The following NR6A1 variants were observed in gnomAD, a reference collection of about 807,000 sequenced individuals.
NR6A1 encodes nuclear receptor subfamily 6 group A member 1, also known as retinoic acid receptor-related testis-associated receptor.
Under a neutral mutation model 59.1 loss-of-function variants are expected in NR6A1, and 7 were observed. The observed-to-expected ratio is 0.12, with a 90% confidence interval of 0.07 to 0.22. The LOEUF is 0.22. NR6A1 is among the 10% of genes least tolerant of loss of function. NR6A1 has a pLI of 1.00. For missense variants in NR6A1, 468 were observed against 611.6 expected, an observed-to-expected ratio of 0.77 and a Z score of 2.48; for synonymous variants, 243 against 236.1, an observed-to-expected ratio of 1.03 and a Z score of -0.27.
At chr9:124,553,713 C>T (rs959937793) in intron 3 of NR6A1, among the ~76,000 whole-genome samples, 9 of 151,856 alleles carry the variant, frequency 5.9e-5, no homozygotes, top group Admixed American at 2.6e-4. Flanking sequence ...TTATTTCCCC[C>T]GTTCCTTCAG....
intron 1 of NR6A1, among the ~76,000 whole-genome samples, chr9:124,756,273 A>C (rs769045569): frequency 6.6e-6 from 1 of 152,202 alleles, no homozygotes; most frequent in Non-Finnish European, 1.5e-5. Context: ...GGAGGTTTGT[A>C]CCCGCTATAG....
intron 2 of NR6A1, chr9:124,599,600 C>T: frequency 8.6e-7 from 1 of 1,166,924 alleles, no homozygotes; most frequent in African/African-American, 1.7e-5. Flanking sequence ...GCGGCGGCGG[C>T]CGCTCGGCTG....
At chr9:124,576,325 G>A (rs1473434853) in intron 2 of NR6A1, among the ~76,000 whole-genome samples, 1 of 152,036 alleles carries the variant, frequency 6.6e-6, no homozygotes. Flanking sequence ...GTTTCACTCT[G>A]TCACCAGGCT....
At chr9:124,581,625 T>A (rs1834771365) in intron 2 of NR6A1, among the ~76,000 whole-genome samples, 1 of 151,920 alleles carries the variant, frequency 6.6e-6, no homozygotes, top group African/African-American at 2.4e-5. Context: ...GAAACTATCA[T>A]CAGAGTAAAC....
intron 2 of NR6A1, among the ~76,000 whole-genome samples, chr9:124,663,874 G>A (rs1283729924): frequency 6.6e-6 from 1 of 151,960 alleles, no homozygotes; most frequent in Non-Finnish European, 1.5e-5. Context: ...ATAATGTAAG[G>A]TATAATTTAA....
At chr9:124,721,569 T>C (rs1839566103) in intron 2 of NR6A1, among the ~76,000 whole-genome samples, 1 of 152,174 alleles carries the variant, frequency 6.6e-6, no homozygotes, top group South Asian at 2.1e-4. Context: ...TGAACTATCT[T>C]AAGTTGCTTC....
chr9:124,681,304 G>C (rs10113978), intron 2 of NR6A1, among the ~76,000 whole-genome samples: 9,515 of 148,742 alleles, frequency 0.064, 918 homozygotes, highest in African/African-American at 0.2. Context: ...AGGAAAACAA[G>C]TGACAGTATT....
At chr9:124,665,161 G>A (rs188833723) in intron 2 of NR6A1, among the ~76,000 whole-genome samples, 2 of 151,008 alleles carry the variant, frequency 1.3e-5, no homozygotes, top group East Asian at 3.9e-4. Flanking sequence ...ACTACAGCCA[G>A]GGTGACAACA....
chr9:124,652,694 C>G (rs1255717992), intron 2 of NR6A1, among the ~76,000 whole-genome samples: 1 of 152,306 alleles, frequency 6.6e-6, no homozygotes, highest in East Asian at 1.9e-4. Context: ...TACAGCCCTT[C>G]CCATATCTGA....
rs1833873471 is a variant in NR6A1, at chr9:124,554,491, G to A, written c.222C>T (p.Ile74=). ...ACCCTTTGCAGCCCTCACAGGAGAT[G>A]ATCCCATAGTGCAAGCCTGTAGCGC... ...GDRATGLHYG[I]ISCEGCKGFF... is the part of the protein sequence containing the mutation. Residue 74 remains isoleucine (I), a synonymous_variant, in exon 3 of 10, where the codon ATC becomes ATT. Transcript: ENST00000487099. 6.2e-7 allele frequency: 1 copy of A among 1,614,052 alleles called. No homozygotes were observed. Among genetic ancestry groups the A allele is most frequent in the Admixed American group, 1.7e-5 (1 of 60,010 alleles).
At chr9:124,703,655 T>C (rs1273531515) in intron 2 of NR6A1, among the ~76,000 whole-genome samples, 2 of 152,242 alleles carry the variant, frequency 1.3e-5, no homozygotes, top group Non-Finnish European at 2.9e-5. Context: ...TGCTAATGTT[T>C]TGTTAAAAGA....
intron 2 of NR6A1, among the ~76,000 whole-genome samples, chr9:124,699,733 C>A (rs1052037599): frequency 2.0e-5 from 3 of 152,212 alleles, no homozygotes; most frequent in Non-Finnish European, 4.4e-5. Context: ...TCACCAAAAT[C>A]TAATTTCGAA....
intron 2 of NR6A1, among the ~76,000 whole-genome samples, chr9:124,633,628 C>T (rs1836511623): frequency 6.6e-6 from 1 of 152,168 alleles, no homozygotes; most frequent in Non-Finnish European, 1.5e-5. Context: ...CATTCTAGGT[C>T]CTCAATGACA....
intron 5 of NR6A1, 109 bp downstream of exon 5, chr9:124,539,924 T>G: frequency 7.7e-7 from 1 of 1,294,016 alleles, no homozygotes; most frequent in South Asian, 1.5e-5. Flanking sequence ...GGAGCAACAG[T>G]ACAATGGCTG....
intron 4 of NR6A1, 135 bp from the exon 5 acceptor site, chr9:124,540,322 C>A (rs1168894862): frequency 6.3e-6 from 6 of 955,662 alleles, no homozygotes; most frequent in African/African-American, 1.6e-5. Context: ...ATATTCCGGG[C>A]CTCTCACTAA....
At chr9:124,767,008 G>A (rs1840951895) in intron 1 of NR6A1, among the ~76,000 whole-genome samples, 1 of 152,094 alleles carries the variant, frequency 6.6e-6, no homozygotes, top group Non-Finnish European at 1.5e-5. Flanking sequence ...CAAACACTAG[G>A]GGTGGTATAA....
intron 7 of NR6A1, 66 bp downstream of exon 7, chr9:124,535,812 C>T: frequency 6.3e-7 from 1 of 1,583,454 alleles, no homozygotes; most frequent in East Asian, 2.2e-5. Flanking sequence ...GGCCAGGCAA[C>T]TCTGCCTTAC....
chr9:124,678,157 A>G (rs1838019833), intron 2 of NR6A1, among the ~76,000 whole-genome samples: 1 of 152,154 alleles, frequency 6.6e-6, no homozygotes, highest in African/African-American at 2.4e-5. Context: ...TCCCATTCCA[A>G]TTGCATTTTC....
chr9:124,666,970 A>C (rs1009615622), intron 2 of NR6A1, among the ~76,000 whole-genome samples: 8 of 152,080 alleles, frequency 5.3e-5, no homozygotes, highest in South Asian at 2.1e-4. Context: ...AGCACCTAGA[A>C]CACCACAGAT....
Sources: allele counts gnomAD v4.1 joint callset (sites outside exome capture counted in the v4.1 genomes callset), GRCh38; gene constraint gnomAD v4.1.1; transcripts MANE v1.5; gene names NCBI Gene and HGNC (gene_info 2026-07-23, HGNC 2026-07-21).